Variants in PRR14L observed in about 807,000 individuals in gnomAD.
The protein encoded by PRR14L is proline rich 14 like.
In PRR14L, 80 loss-of-function variants were observed where a neutral mutation model predicts 155.0. The observed-to-expected ratio is 0.52, with a 90% CI of 0.43 to 0.62. The LOEUF (loss-of-function observed/expected upper bound fraction) is 0.62, where lower values mean the gene tolerates loss of function less well. PRR14L is among the 20% of genes least tolerant of loss of function. The pLI is 0.00. For missense variants in PRR14L, 2,469 were observed against 2,548.0 expected (o/e 0.97, Z 0.67); for synonymous variants, 883 against 916.0 (o/e 0.96, Z 0.65).
chr22:31,718,012 C>T (rs1459309925), intron 3 of PRR14L, among the ~76,000 whole-genome samples: 1 of 150,998 alleles, frequency 6.6e-6, no homozygotes, highest in Non-Finnish European at 1.5e-5. Context: ...ACTGCAACCT[C>T]CACTTCCTGG....
Position 31,704,715 on chromosome 22 carries a change from A to T in PRR14L, c.5768T>A (p.Leu1923Ter), listed in dbSNP as rs774749111. 1 of 1,613,956 alleles carries T rather than the reference A, an allele frequency of 6.2e-7. No individual in the cohort carries two copies. The highest frequency in any genetic ancestry group is 8.5e-7 in the Non-Finnish European group (1 of 1,179,876). Reference sequence around the variant, plus strand: ...CATGCCTGGAAGAGGCACATATGGTAACATGGTGTGGCTAAAGTAAAGCAA... The same window carrying T: ...CATGCCTGGAAGAGGCACATATGGTTACATGGTGTGGCTAAAGTAAAGCAA... ...SLGTTSSHTMLPYVPLPGMEA... is the reference protein window; with the variant it reads ...SLGTTSSHTM The change falls in exon 5 of 9, where the codon TTA (leucine) becomes TAA (stop). Residue 1923 changes from leucine (L) to a stop codon, truncating the protein, a stop_gained. Transcript: ENST00000327423. LOFTEE classifies it high-confidence loss of function.
Position 31,712,575 on chromosome 22 carries a change from C to G in PRR14L, c.5264G>C (p.Cys1755Ser). Residue 1755 changes from cysteine to serine, a missense_variant, in exon 4 of 9, where the codon TGC (cysteine) becomes TCC (serine). Cys to Ser is a moderately radical substitution (Grantham distance 112). Around this residue, in one of 2 missense-constraint regions of PRR14L, gnomAD observed 2,363 missense variants for 2,371.6 expected, o/e 1.00. Transcript: ENST00000327423. ...ARLALGEALQ[C>S]PSQPPKWTFS... ...GGTCCACTTGGGAGGTTGAGACGGGCACTGGAGGGCCTCTCCTAAGGCAAG... is the reference window on the plus strand; with the variant it reads ...GGTCCACTTGGGAGGTTGAGACGGGGACTGGAGGGCCTCTCCTAAGGCAAG... 6.4e-7 allele frequency: 1 copy of G among 1,551,684 alleles called. No homozygotes were observed. The highest frequency in any genetic ancestry group is 8.7e-7 in the Non-Finnish European group (1 of 1,147,000).
At chr22:31,746,713 G>A (rs1313341559) in intron 1 of PRR14L, among the ~76,000 whole-genome samples, 3 of 151,704 alleles carry the variant, frequency 2.0e-5, no homozygotes, top group East Asian at 3.9e-4. Context: ...TATTATTCCA[G>A]TAAAAGTAGA....
At chr22:31,708,857 A>G (rs1281972110) in intron 4 of PRR14L, among the ~76,000 whole-genome samples, 1 of 150,756 alleles carries the variant, frequency 6.6e-6, no homozygotes, top group African/African-American at 2.4e-5. Flanking sequence ...ACGGAGTTTC[A>G]CTCTTGTTGC....
intron 3 of PRR14L, among the ~76,000 whole-genome samples, chr22:31,721,139 T>C (rs1057172680): frequency 1.3e-5 from 2 of 151,876 alleles, no homozygotes; most frequent in African/African-American, 4.8e-5. Flanking sequence ...CCAGCAAGAG[T>C]GCCTGATGGG....
At chr22:31,710,453 G>C (rs1039664895) in intron 4 of PRR14L, among the ~76,000 whole-genome samples, 7 of 151,568 alleles carry the variant, frequency 4.6e-5, no homozygotes, top group African/African-American at 1.7e-4. Context: ...CAGCTCTTTA[G>C]GGATTCTTTT....
Position 31,713,918 on chromosome 22 carries a change from A to G in PRR14L, c.3921T>C (p.Asn1307=). Residue 1307 remains asparagine (N), a synonymous_variant, in exon 4 of 9, where the codon AAT becomes AAC. Transcript: ENST00000327423. ...CGTGAGGGTGACAAGCTTTGCAAGC[A>G]TTCTTTTCCACACAGGTACATACGC... is the stretch of plus-strand genomic sequence containing the variant. ...RDSVCTCVEK[N]ACKACHPHEN... 1.3e-6 allele frequency: 2 copies of G among 1,551,890 alleles called. No individual in the cohort carries two copies. Among genetic ancestry groups the G allele is most frequent in the Non-Finnish European group, 1.7e-6 (2 of 1,147,014 alleles).
At chr22:31,689,587 C>T (rs904599086) in intron 7 of PRR14L, among the ~76,000 whole-genome samples, 3 of 151,948 alleles carry the variant, frequency 2.0e-5, no homozygotes, top group Non-Finnish European at 4.4e-5. Context: ...TTTTTTGAGA[C>T]AGGGTCTTGT....
Position 31,717,245 on chromosome 22 carries a change from T to A in PRR14L, c.594A>T (p.Glu198Asp), listed in dbSNP as rs1234312458. ...TCCCATTGACCTTCATACCTTGTACTTCGGCGGATTTTAGCAGAGTTTCAG... is the reference window on the plus strand; with the variant it reads ...TCCCATTGACCTTCATACCTTGTACATCGGCGGATTTTAGCAGAGTTTCAG... ...ITAETLLKSA[E>D]VQGMKVNGTK... The change falls in exon 4 of 9, where the codon GAA becomes GAT. Residue 198 changes from glutamate to aspartate, a missense_variant. Physicochemically the swap from Glu to Asp is conservative, Grantham distance 45. Transcript: ENST00000327423. 6 of 1,551,430 alleles carry A rather than the reference T, an allele frequency of 3.9e-6. No individual in the cohort carries two copies. The South Asian group carries it at 6.0e-5, about 15-fold the overall frequency.
intron 1 of PRR14L, among the ~76,000 whole-genome samples, chr22:31,746,377 T>C (rs1009313216): frequency 4.6e-5 from 7 of 152,234 alleles, no homozygotes; most frequent in Admixed American, 2.6e-4. Context: ...CTGTCAGCTC[T>C]CTGCCTTAAC....
At position 31,716,047 on chromosome 22, in the gene PRR14L, G is replaced by C. The variant is rs2074657369; in HGVS notation, c.1792C>G (p.Leu598Val). The C allele has an allele frequency of 1.3e-6, 2 of 1,550,584 alleles. No homozygotes were observed. Among genetic ancestry groups the C allele is most frequent in the East Asian group, 2.4e-5 (1 of 40,922 alleles). The change falls in exon 4 of 9, where the codon CTA (leucine) becomes GTA (valine). Residue 598 changes from leucine (L) to valine (V), a missense_variant. This residue lies in a region of PRR14L where 2,363 missense variants were observed against 2,371.6 expected (regional missense o/e 1.00). Transcript: ENST00000327423. ...LKPKQGTALL[L>V]PSPEFDYRPE... ...CTGTAATCAAATTCTGGGGATGGTA[G>C]CAACAGAGCAGTACCTTGCTTGGGT... is the stretch of plus-strand genomic sequence containing the variant.
chr22:31,712,631 C>T lies in PRR14L; in HGVS notation c.5208G>A (p.Arg1736=). Residue 1736 remains arginine (R), a synonymous_variant, in exon 4 of 9, where the codon AGG becomes AGA. Transcript: ENST00000327423. Reference sequence around the variant, plus strand: ...CCGGAGCACAGTGCTCAGGAAAAGTCCTTGAGGACTCAGTCGTGCAATCTG... The same window carrying T: ...CCGGAGCACAGTGCTCAGGAAAAGTTCTTGAGGACTCAGTCGTGCAATCTG... ...SSSDCTTESS[R]TFPEHCAPAR... 1.3e-6 allele frequency: 2 copies of T among 1,551,722 alleles called. No individual in the cohort carries two copies. Among genetic ancestry groups the T allele is most frequent in the Non-Finnish European group, 1.7e-6 (2 of 1,146,998 alleles).
At chr22:31,747,932 C>T (rs2074848915) in intron 1 of PRR14L, among the ~76,000 whole-genome samples, 1 of 150,146 alleles carries the variant, frequency 6.7e-6, no homozygotes, top group Non-Finnish European at 1.5e-5. Flanking sequence ...AACTTTTAGT[C>T]ATTCAAACAC....
rs1314993308 is a variant in PRR14L, at chr22:31,682,920, C to T, written c.*2607G>A. 3 of 152,174 alleles carry T rather than the reference C, an allele frequency of 2.0e-5. No homozygotes were observed. Among genetic ancestry groups the T allele is most frequent in the Admixed American group, 2.0e-4 (3 of 15,272 alleles). The allele number at this position is 152,174 out of a possible 1,614,324, so 9.4% of individuals were successfully genotyped here. On this transcript the variant is annotated 3_prime_UTR_variant, in exon 9 of 9. Transcript: ENST00000327423. ...GACAACACTGCAGCTGGCTCAGTGC[C>T]GAAACTGAATGTTAAGACAGGTGTG... is the stretch of plus-strand genomic sequence containing the variant.
At chr22:31,736,474 C>G (rs1291030468) in intron 2 of PRR14L, among the ~76,000 whole-genome samples, 1 of 151,610 alleles carries the variant, frequency 6.6e-6, no homozygotes, top group Non-Finnish European at 1.5e-5. Flanking sequence ...TAATCATAGT[C>G]ACTGTATGAA....
intron 7 of PRR14L, among the ~76,000 whole-genome samples, chr22:31,689,448 T>C (rs2074499768): frequency 6.6e-6 from 1 of 152,250 alleles, no homozygotes; most frequent in Non-Finnish European, 1.5e-5. Flanking sequence ...GCCCTAGACC[T>C]GTAATCACTC....
In PRR14L at chr22:31,703,584, G is replaced by C; in HGVS notation, c.5966C>G (p.Pro1989Arg). 1 of 1,613,782 alleles carries C rather than the reference G, an allele frequency of 6.2e-7. No homozygotes were observed. The highest frequency in any genetic ancestry group is 1.1e-5 in the South Asian group (1 of 91,074). ...DELDGVKAACPCPQSSPPEQK... is the reference protein window; with the variant it reads ...DELDGVKAACRCPQSSPPEQK... The stretch of plus-strand genomic sequence containing the variant: ...TTCTGGGGGGCTGCTCTGTGGGCAG[G>C]GGCATGCTGCTTTCACACCATCCAG... The change falls in exon 6 of 9, where the codon CCC becomes CGC. Residue 1989 changes from proline to arginine, a missense_variant. Around this residue, in one of 2 missense-constraint regions of PRR14L, gnomAD observed 2,363 missense variants for 2,371.6 expected, o/e 1.00. Coordinates refer to ENST00000327423, the MANE Select transcript of PRR14L (RefSeq NM_173566.3).
chr22:31,738,306 C>A, intron 2 of PRR14L, 81 bp downstream of exon 2: 1 of 1,156,706 alleles, frequency 8.6e-7, no homozygotes, highest in Non-Finnish European at 1.2e-6. Flanking sequence ...AAATCATGAG[C>A]CAACCGTCAG....
Position 31,725,521 on chromosome 22 carries a change from T to C in PRR14L, c.547+17A>G, listed in dbSNP as rs764808525. 2.7e-6 allele frequency: 4 copies of C among 1,509,354 alleles called. No homozygotes were observed. Among genetic ancestry groups the C allele is most frequent in the South Asian group, 1.2e-5 (1 of 83,116 alleles). The allele number at this position is 1,509,354 out of a possible 1,614,324, so 93.5% of individuals were successfully genotyped here. A position where few individuals can be genotyped will look rare whatever the true frequency, so the allele number is the denominator to read the frequency against. Reference sequence around the variant, plus strand: ...GCAGTAAGTGGATAAAGGAAGAGATTTGAGAGAAATAAATACCTTTGCTCC... The same window carrying C: ...GCAGTAAGTGGATAAAGGAAGAGATCTGAGAGAAATAAATACCTTTGCTCC... On this transcript the variant is annotated intron_variant, in intron 3 of 8. Transcript: ENST00000327423.
Sources: gnomAD v4.1 joint callset for allele counts (sites outside exome capture counted in the v4.1 genomes callset) on GRCh38, gnomAD v4.1.1 for gene constraint, gnomAD v4.1.1 regional missense constraint, MANE v1.5 for transcripts, NCBI Gene and HGNC (gene_info 2026-07-23, HGNC 2026-07-21) for gene names.